ROR1: variants seen among roughly 807,000 people sequenced by gnomAD.
The protein encoded by ROR1 is ROR family WNT receptor 1.
ROR1 carries 19 observed loss-of-function variants against 78.8 expected under a neutral mutation model. The ratio of observed to expected loss-of-function variants is 0.24; its 90% CI spans 0.17 to 0.35. The LOEUF (loss-of-function observed/expected upper bound fraction) is 0.35. Ranked by LOEUF, ROR1 falls within the 10% of genes least tolerant of loss-of-function variation. The pLI, the probability that ROR1 is intolerant of heterozygous loss-of-function variation, is 1.00. For synonymous variants in ROR1, 386 were observed against 433.6 expected (o/e 0.89, Z 1.36); for missense variants, 917 against 1,177.8 (o/e 0.78, Z 3.24).
intron 1 of ROR1, among the ~76,000 whole-genome samples, chr1:63,886,147 G>A (rs1431092061): frequency 6.6e-6 from 1 of 152,142 alleles, no homozygotes; most frequent in African/African-American, 2.4e-5. Context: ...TAATGCCATC[G>A]CTGGCTGATC....
chr1:63,898,277 A>G (rs1476789569), intron 1 of ROR1, among the ~76,000 whole-genome samples: 1 of 151,486 alleles, frequency 6.6e-6, no homozygotes, highest in Non-Finnish European at 1.5e-5. Context: ...AGTTCCTAGT[A>G]TAGTACAGCA....
chr1:63,878,180 C>T (rs1449926181), intron 1 of ROR1, among the ~76,000 whole-genome samples: 2 of 152,162 alleles, frequency 1.3e-5, no homozygotes, highest in African/African-American at 4.8e-5. Flanking sequence ...CCTTCAGTAG[C>T]ATGGAGTGTA....
intron 1 of ROR1, among the ~76,000 whole-genome samples, chr1:63,954,775 G>A (rs1255444670): frequency 2.0e-5 from 3 of 152,150 alleles, no homozygotes; most frequent in Non-Finnish European, 4.4e-5. Context: ...CGTGTGCATA[G>A]GTGATGTCCA....
chr1:63,804,365 G>A (rs1277100529), intron 1 of ROR1, among the ~76,000 whole-genome samples: 1 of 152,190 alleles, frequency 6.6e-6, no homozygotes, highest in East Asian at 1.9e-4. Context: ...TATTGTATTA[G>A]TGTTATAGAA....
At chr1:63,864,796 C>CTT (rs757581149) in intron 1 of ROR1, among the ~76,000 whole-genome samples, 10,386 of 137,930 alleles carry the variant, frequency 0.075, 719 homozygotes, top group African/African-American at 0.19. Context: ...ATCTTTCAAT[C>CTT]TTTTTTTTTT....
rs374164760 is a variant in ROR1, at chr1:64,022,606, G to C, written c.163+13230G>C. On this transcript the variant is annotated intron_variant, in intron 2 of 8. Transcript: ENST00000371079. ...CATGTCCACTAATAAGGTAACCCCA[G>C]GCCATTCACTAAACCTCTCTGGACT... 2.0e-4 allele frequency among the ~76,000 whole-genome samples: 31 copies of C among 152,220 alleles called. 2 individuals carry two copies. The highest frequency in any genetic ancestry group is 1.1e-3 in the Admixed American group (17 of 15,292).
intron 4 of ROR1, among the ~76,000 whole-genome samples, chr1:64,133,851 A>G (rs1335756077): frequency 2.6e-5 from 4 of 152,250 alleles, no homozygotes; most frequent in African/African-American, 9.6e-5. Context: ...TGATGAAAGA[A>G]GTGTGAGCTG....
chr1:64,027,868 A>G (rs1646627043), intron 2 of ROR1, among the ~76,000 whole-genome samples: 1 of 151,894 alleles, frequency 6.6e-6, no homozygotes, highest in African/African-American at 2.4e-5. Context: ...TTGTATTTTT[A>G]GTAGAGATAG....
chr1:63,788,769 G>A, intron 1 of ROR1: 1 of 527,974 alleles, frequency 1.9e-6, no homozygotes, highest in East Asian at 4.1e-5. Flanking sequence ...CCTCCTTCTT[G>A]ACCTGGAGGC....
intron 1 of ROR1, among the ~76,000 whole-genome samples, chr1:63,889,164 G>C (rs1440964692): frequency 6.6e-6 from 1 of 152,186 alleles, no homozygotes; most frequent in Non-Finnish European, 1.5e-5. Context: ...ATATGACAGA[G>C]GAGGAGAGAG....
At chr1:64,162,132 T>G (rs78885825) in intron 8 of ROR1, among the ~76,000 whole-genome samples, 6,167 of 152,242 alleles carry the variant, frequency 0.041, 172 homozygotes, top group Non-Finnish European at 0.064. Flanking sequence ...GAAAAAGGAA[T>G]GAAGGATAGA....
Position 64,179,012 on chromosome 1 carries a change from G to C in ROR1, c.*157G>C. 31 of 211,570 alleles carry C rather than the reference G, an allele frequency of 1.5e-4. No homozygotes were observed. Among genetic ancestry groups the C allele is most frequent in the East Asian group, 2.2e-4 (2 of 9,090 alleles). 13.1% of individuals were successfully genotyped at this position (211,570 alleles called of 1,614,324 possible). On this transcript the variant is annotated 3_prime_UTR_variant, in exon 9 of 9. Coordinates refer to ENST00000371079, the MANE Select transcript of ROR1 (RefSeq NM_005012.4). ...TCACTGTGTCTTACCAAGCAGGACA[G>C]ACACTCGGCCAGAAAAAAAAAAAAA...
chr1:63,807,127 A>C (rs1156397283), intron 1 of ROR1, among the ~76,000 whole-genome samples: 1 of 152,192 alleles, frequency 6.6e-6, no homozygotes, highest in African/African-American at 2.4e-5. Context: ...AGGGAGATGA[A>C]AGTCTAAACC....
chr1:63,805,737 G>A (rs891896059), intron 1 of ROR1, among the ~76,000 whole-genome samples: 5 of 152,194 alleles, frequency 3.3e-5, no homozygotes, highest in Non-Finnish European at 7.3e-5. Context: ...ATTACAGGCC[G>A]GGTACAGTGG....
chr1:64,006,031 G>C (rs114148247), intron 1 of ROR1, among the ~76,000 whole-genome samples: 1,987 of 152,268 alleles, frequency 0.013, 40 homozygotes, highest in African/African-American at 0.046. Context: ...AACAATTTCA[G>C]TGTTAGCAGT....
chr1:63,774,560 A>T lies in ROR1; in HGVS notation c.91+52A>T. 1.1e-6 allele frequency: 1 copy of T among 903,038 alleles called. No individual in the cohort carries two copies. Among genetic ancestry groups the T allele is most frequent in the African/African-American group, 2.0e-5 (1 of 50,958 alleles). 55.9% of individuals were successfully genotyped at this position (903,038 alleles called of 1,614,324 possible). On this transcript the variant is annotated intron_variant, in intron 1 of 8. Coordinates refer to ENST00000371079, the MANE Select transcript of ROR1 (RefSeq NM_005012.4). The surrounding 1 kb of genome is among the most constrained non-coding windows in gnomAD (Gnocchi z 5.7). ...CGCCCAGACCCCCTGACCCGTGGCCACCCTTCCGCCGTCCAGCCGGGCGCG... is the reference window on the plus strand; with the variant it reads ...CGCCCAGACCCCCTGACCCGTGGCCTCCCTTCCGCCGTCCAGCCGGGCGCG...
chr1:64,174,835 G>A (rs115994562), intron 8 of ROR1, among the ~76,000 whole-genome samples: 355 of 152,022 alleles, frequency 2.3e-3, no homozygotes, highest in Middle Eastern at 0.01. Context: ...AAAAAAGTAG[G>A]GTTGGCTCAA....
chr1:64,065,844 A>G (rs1238687120), intron 4 of ROR1, among the ~76,000 whole-genome samples: 1 of 152,194 alleles, frequency 6.6e-6, no homozygotes, highest in African/African-American at 2.4e-5. Flanking sequence ...TAGTAAATAC[A>G]TTTCATAGTG....
intron 1 of ROR1, among the ~76,000 whole-genome samples, chr1:63,880,772 A>G (rs1645316973): frequency 6.6e-6 from 1 of 152,150 alleles, no homozygotes; most frequent in African/African-American, 2.4e-5. Context: ...CCATCCATCT[A>G]TCCATCTATC....
Sources: gnomAD v4.1 joint callset for allele counts (sites outside exome capture counted in the v4.1 genomes callset) on GRCh38, gnomAD v4.1.1 for gene constraint, Gnocchi (gnomAD v3.1) non-coding constraint, MANE v1.5 for transcripts, NCBI Gene and HGNC (gene_info 2026-07-23, HGNC 2026-07-21) for gene names.